GRID2: variants seen among roughly 807,000 people sequenced by gnomAD.
The protein encoded by GRID2 is glutamate receptor ionotropic, delta-2.
A neutral mutation model predicts 114.8 loss-of-function variants in GRID2; 33 were observed. The ratio of observed to expected loss-of-function variants is 0.29; its 90% CI spans 0.22 to 0.38. The LOEUF (loss-of-function observed/expected upper bound fraction) is 0.38, where lower values mean the gene tolerates loss of function less well. Ranked by LOEUF, GRID2 falls within the 10% of genes least tolerant of loss-of-function variation. The pLI is 1.00. For missense variants in GRID2, 1,184 were observed against 1,257.7 expected (o/e 0.94, Z 0.89); for synonymous variants, 505 against 449.9 (o/e 1.12, Z -1.55).
chr4:93,513,784 C>A (rs1227193312), intron 12 of GRID2, among the ~76,000 whole-genome samples: 1 of 152,126 alleles, frequency 6.6e-6, no homozygotes, highest in Non-Finnish European at 1.5e-5. Flanking sequence ...GAAATTGGCA[C>A]AAATACTCTT....
At chr4:93,238,588 T>C in intron 8 of GRID2, 98 bp downstream of exon 8, 1 of 958,280 alleles carries the variant, frequency 1.0e-6, no homozygotes, top group Non-Finnish European at 1.5e-6. Flanking sequence ...TTAAAGTCAA[T>C]ATTGTAGTGT....
intron 2 of GRID2, among the ~76,000 whole-genome samples, chr4:92,760,546 C>A (rs1737958132): frequency 2.0e-5 from 3 of 152,116 alleles, no homozygotes; most frequent in Non-Finnish European, 4.4e-5. Flanking sequence ...TTCAGGGTTG[C>A]CCAAGGTCTT....
intron 14 of GRID2, among the ~76,000 whole-genome samples, chr4:93,744,245 AG>A (rs1731656725): frequency 6.6e-6 from 1 of 152,232 alleles, no homozygotes; most frequent in Non-Finnish European, 1.5e-5. Context: ...CCATGAATCA[AG>A]GAGTAGTTTT....
At chr4:92,406,599 A>G (rs1731038428) in intron 1 of GRID2, among the ~76,000 whole-genome samples, 1 of 151,884 alleles carries the variant, frequency 6.6e-6, no homozygotes, top group Non-Finnish European at 1.5e-5. Context: ...AGTTTGTTAC[A>G]TGGGTAAATT....
At chr4:93,574,874 T>C (rs1364633581) in intron 13 of GRID2, among the ~76,000 whole-genome samples, 1 of 152,216 alleles carries the variant, frequency 6.6e-6, no homozygotes, top group African/African-American at 2.4e-5. Flanking sequence ...GGGTTATTTC[T>C]CAACTCTATA....
At chr4:93,463,535 A>C (rs2149423358) in intron 11 of GRID2, among the ~76,000 whole-genome samples, 1 of 152,328 alleles carries the variant, frequency 6.6e-6, no homozygotes, top group Non-Finnish European at 1.5e-5. Flanking sequence ...AGTACAATCA[A>C]CATCTTCTTT....
intron 2 of GRID2, among the ~76,000 whole-genome samples, chr4:92,680,687 A>G (rs1733609129): frequency 6.6e-6 from 1 of 152,204 alleles, no homozygotes; most frequent in Non-Finnish European, 1.5e-5. Context: ...AGCTGTAGTC[A>G]TGGAAGAATA....
chr4:93,219,846 G>A (rs944045234), intron 6 of GRID2, among the ~76,000 whole-genome samples: 4 of 152,118 alleles, frequency 2.6e-5, no homozygotes, highest in Admixed American at 2.6e-4. Context: ...AAGAAAAATT[G>A]TCTTCAAATT....
At chr4:92,559,768 A>G (rs577294907) in intron 1 of GRID2, among the ~76,000 whole-genome samples, 65 of 152,314 alleles carry the variant, frequency 4.3e-4, no homozygotes, top group African/African-American at 1.5e-3. Context: ...ATTCCACTCA[A>G]GTGACAGGTT....
intron 1 of GRID2, among the ~76,000 whole-genome samples, chr4:92,526,154 G>A (rs1025613092): frequency 3.3e-5 from 5 of 151,912 alleles, no homozygotes; most frequent in Non-Finnish European, 2.9e-5. Flanking sequence ...AGTAAAGATG[G>A]AAGGATGGAA....
intron 2 of GRID2, among the ~76,000 whole-genome samples, chr4:92,654,716 C>T (rs1732140287): frequency 6.6e-6 from 1 of 151,536 alleles, no homozygotes; most frequent in Non-Finnish European, 1.5e-5. Flanking sequence ...TCTTCTATTG[C>T]TATTTGTGTC....
chr4:93,726,108 A>C (rs1729858862), intron 14 of GRID2, among the ~76,000 whole-genome samples: 1 of 152,032 alleles, frequency 6.6e-6, no homozygotes, highest in Admixed American at 6.5e-5. Context: ...TAGGGTTTTT[A>C]TGGTTTTAGG....
At chr4:93,471,058 A>G (rs4692984) in intron 11 of GRID2, among the ~76,000 whole-genome samples, 108,964 of 151,764 alleles carry the variant, frequency 0.72, 39,512 homozygotes, top group African/African-American at 0.83. Context: ...CAAAGGAAGT[A>G]AAGGAATGAG....
chr4:92,712,392 GTAT>G (rs1163456627), intron 2 of GRID2, among the ~76,000 whole-genome samples: 1 of 151,776 alleles, frequency 6.6e-6, no homozygotes, highest in East Asian at 1.9e-4. Context: ...TGCTGTGTTG[GTAT>G]TATTATTTCT....
At chr4:93,704,304 G>C (rs1727794415) in intron 14 of GRID2, among the ~76,000 whole-genome samples, 1 of 152,156 alleles carries the variant, frequency 6.6e-6, no homozygotes, top group Non-Finnish European at 1.5e-5. Flanking sequence ...CTTTTAAGAA[G>C]TGTCTGTTCA....
chr4:93,201,817 T>C (rs1261879737), intron 4 of GRID2, among the ~76,000 whole-genome samples: 1 of 152,212 alleles, frequency 6.6e-6, no homozygotes, highest in Admixed American at 6.5e-5. Flanking sequence ...GAAGACACAG[T>C]GATAAATTGT....
chr4:92,478,796 C>A (rs1722441951), intron 1 of GRID2, among the ~76,000 whole-genome samples: 1 of 152,072 alleles, frequency 6.6e-6, no homozygotes, highest in African/African-American at 2.4e-5. Flanking sequence ...ACGCCTCTCC[C>A]AATATAGAAT....
intron 8 of GRID2, among the ~76,000 whole-genome samples, chr4:93,329,846 T>C (rs1289606277): frequency 6.6e-6 from 1 of 151,792 alleles, no homozygotes; most frequent in Non-Finnish European, 1.5e-5. Flanking sequence ...GCTGTGATAA[T>C]CTTTACAAAC....
chr4:92,884,947 A>G, intron 2 of GRID2: 1 of 329,448 alleles, frequency 3.0e-6, no homozygotes, highest in Non-Finnish European at 6.2e-6. Context: ...AAAAAAAAAA[A>G]TCGCATCTAA....
Sources: gnomAD v4.1 joint callset for allele counts (sites outside exome capture counted in the v4.1 genomes callset) on GRCh38, gnomAD v4.1.1 for gene constraint, MANE v1.5 for transcripts, NCBI Gene and HGNC (gene_info 2026-07-23, HGNC 2026-07-21) for gene names.